RIMS2: variants seen among roughly 807,000 people sequenced by gnomAD.
RIMS2 encodes the protein regulating synaptic membrane exocytosis protein 2.
Under a neutral mutation model 174.4 loss-of-function variants are expected in RIMS2, and 59 were observed. The ratio of observed to expected loss-of-function variants is 0.34; its 90% confidence interval spans 0.27 to 0.42. The LOEUF (loss-of-function observed/expected upper bound fraction) is 0.42, where lower values mean the gene tolerates loss of function less well. Among genes scored for constraint, RIMS2 ranks in the 10% least tolerant of loss-of-function variants. The probability of loss-of-function intolerance (pLI) is 1.00; values close to 1 mark genes in which losing one functional copy is unlikely to be tolerated. For missense variants in RIMS2, 1,620 were observed against 1,666.3 expected (o/e 0.97, Z 0.48); for synonymous variants, 606 against 572.5 (o/e 1.06, Z -0.84).
At chr8:103,945,738 T>A (rs1405721083) in intron 14 of RIMS2, among the ~76,000 whole-genome samples, 1 of 150,230 alleles carries the variant, frequency 6.7e-6, no homozygotes, top group African/African-American at 2.5e-5. Flanking sequence ...AATTCAATGC[T>A]CATTCACAAT....
At chr8:104,001,728 T>G (rs570987365) in intron 17 of RIMS2, among the ~76,000 whole-genome samples, 1 of 152,160 alleles carries the variant, frequency 6.6e-6, no homozygotes, top group East Asian at 1.9e-4. Flanking sequence ...CTGACCTTTT[T>G]TTGGACATTT....
At chr8:103,789,650 T>C (rs1212329520) in intron 3 of RIMS2, among the ~76,000 whole-genome samples, 1 of 152,140 alleles carries the variant, frequency 6.6e-6, no homozygotes. Context: ...TCACTTCAGA[T>C]TGCAAATACT....
chr8:103,966,848 C>T (rs7357566), intron 15 of RIMS2, among the ~76,000 whole-genome samples: 101,700 of 151,690 alleles, frequency 0.67, 34,854 homozygotes, highest in African/African-American at 0.72. Context: ...TTTAAATTTC[C>T]CTTGAGATTT....
At chr8:103,898,656 G>A (rs2099307892) in intron 4 of RIMS2, among the ~76,000 whole-genome samples, 1 of 151,536 alleles carries the variant, frequency 6.6e-6, no homozygotes, top group African/African-American at 2.4e-5. Flanking sequence ...TTTCACCAGT[G>A]GGAGATGGAA....
intron 19 of RIMS2, among the ~76,000 whole-genome samples, chr8:104,140,125 A>G (rs1207817855): frequency 6.6e-6 from 1 of 152,152 alleles, no homozygotes; most frequent in African/African-American, 2.4e-5. Context: ...CTTGGTCATG[A>G]TGAAAGTTCT....
At chr8:103,893,431 A>G (rs1240624481) in intron 4 of RIMS2, among the ~76,000 whole-genome samples, 1 of 152,060 alleles carries the variant, frequency 6.6e-6, no homozygotes, top group East Asian at 1.9e-4. Flanking sequence ...TTAAGCCTCA[A>G]CCTTTTGGGT....
intron 19 of RIMS2, among the ~76,000 whole-genome samples, chr8:104,069,764 C>T (rs2097166870): frequency 6.6e-6 from 1 of 152,092 alleles, no homozygotes; most frequent in East Asian, 1.9e-4. Context: ...TGCGCCCGGC[C>T]TATTTCATTG....
chr8:103,924,036 T>C (rs1192450383), intron 10 of RIMS2, among the ~76,000 whole-genome samples: 1 of 151,722 alleles, frequency 6.6e-6, no homozygotes, highest in East Asian at 1.9e-4. Flanking sequence ...ATAGGTTATC[T>C]TGCTTGTTTC....
At chr8:103,834,690 T>G (rs1289775541) in intron 3 of RIMS2, among the ~76,000 whole-genome samples, 2 of 63,216 alleles carry the variant, frequency 3.2e-5, no homozygotes, top group African/African-American at 1.5e-4. Flanking sequence ...CTTTCTTTCT[T>G]TCTTTCTTTC....
intron 1 of RIMS2, among the ~76,000 whole-genome samples, chr8:103,590,939 A>G (rs901608395): frequency 2.0e-5 from 3 of 150,806 alleles, no homozygotes; most frequent in Admixed American, 2.0e-4. Context: ...GGGCAGGTTT[A>G]TGTTTATTTT....
chr8:104,005,917 T>C (rs1271567000), intron 17 of RIMS2, among the ~76,000 whole-genome samples: 1 of 151,992 alleles, frequency 6.6e-6, no homozygotes, highest in Non-Finnish European at 1.5e-5. Flanking sequence ...ATGTAGAACA[T>C]AGACTATGTT....
intron 2 of RIMS2, among the ~76,000 whole-genome samples, chr8:103,744,269 C>A (rs2097787105): frequency 6.6e-6 from 1 of 152,044 alleles, no homozygotes; most frequent in Non-Finnish European, 1.5e-5. Flanking sequence ...TGGTCTCGAT[C>A]TCTTGACCTT....
intron 19 of RIMS2, among the ~76,000 whole-genome samples, chr8:104,119,967 T>C (rs1296659917): frequency 1.3e-5 from 2 of 152,228 alleles, no homozygotes; most frequent in Non-Finnish European, 2.9e-5. Flanking sequence ...GTAGGGCACA[T>C]TGTGAAAACA....
chr8:103,729,599 T>A (rs1245271439), intron 2 of RIMS2, among the ~76,000 whole-genome samples: 2 of 152,126 alleles, frequency 1.3e-5, no homozygotes, highest in Non-Finnish European at 2.9e-5. Flanking sequence ...TTACTTCTAC[T>A]TATTTTGGGT....
At chr8:104,128,337 A>T (rs1290757133) in intron 19 of RIMS2, among the ~76,000 whole-genome samples, 2 of 152,218 alleles carry the variant, frequency 1.3e-5, no homozygotes, top group Non-Finnish European at 2.9e-5. Flanking sequence ...CCTTTACAAG[A>T]GTAATACATT....
chr8:103,626,545 G>T (rs11785081), intron 1 of RIMS2, among the ~76,000 whole-genome samples: 27,742 of 152,144 alleles, frequency 0.18, 2,778 homozygotes, highest in African/African-American at 0.26. Context: ...AACAGCTGTT[G>T]CACATAAAAG....
intron 1 of RIMS2, among the ~76,000 whole-genome samples, chr8:103,613,806 G>T (rs1168351970): frequency 3.9e-5 from 6 of 152,150 alleles, no homozygotes; most frequent in African/African-American, 9.7e-5. Context: ...ACACACTCAT[G>T]GTCCTGGGTG....
At chr8:104,033,226 T>C (rs374061446) in intron 19 of RIMS2, among the ~76,000 whole-genome samples, 17 of 152,104 alleles carry the variant, frequency 1.1e-4, no homozygotes, top group Middle Eastern at 3.4e-3. Flanking sequence ...TATCAGTTTA[T>C]TGGGAAAATA....
intron 19 of RIMS2, among the ~76,000 whole-genome samples, chr8:104,170,168 T>A (rs2098823826): frequency 6.6e-6 from 1 of 152,108 alleles, no homozygotes; most frequent in African/African-American, 2.4e-5. Flanking sequence ...TCTGTAAATA[T>A]CTGTTAAGTT....
Sources: gnomAD v4.1 joint callset for allele counts (sites outside exome capture counted in the v4.1 genomes callset) on GRCh38, gnomAD v4.1.1 for gene constraint, MANE v1.5 for transcripts, NCBI Gene and HGNC (gene_info 2026-07-23, HGNC 2026-07-21) for gene names.